Variants in ZFYVE16 observed in about 807,000 individuals in gnomAD.
ZFYVE16 encodes zinc finger FYVE domain-containing protein 16.
Under a neutral mutation model 138.1 loss-of-function variants are expected in ZFYVE16, and 89 were observed. That is an observed-to-expected ratio of 0.64 (90% CI 0.54 to 0.77). ZFYVE16 has a LOEUF of 0.77. ZFYVE16 is among the 30% of genes least tolerant of loss of function. ZFYVE16 has a pLI of 0.00. For synonymous variants in ZFYVE16, 596 were observed against 618.3 expected (o/e 0.96, Z 0.53); for missense variants, 1,793 against 1,786.7 (o/e 1.00, Z -0.06).
Position 80,421,508 on chromosome 5 carries a change from T to C in ZFYVE16, c.-93-5984T>C, listed in dbSNP as rs532827037. On this transcript the variant is annotated intron_variant, in intron 1 of 18. Coordinates refer to ENST00000505560, the MANE Select transcript of ZFYVE16 (RefSeq NM_001284236.3). ...GAAGGGATCCAGTTTCAGCTTTCTT[T>C]TTATGGCTAGCCAGTTTTCCCAGCA... Among the ~76,000 whole-genome samples the C allele has an allele frequency of 3.4e-4, 52 of 152,246 alleles. No individual in the cohort carries two copies. The South Asian group carries it at 7.7e-3, about 22-fold the overall frequency.
chr5:80,458,032 TA>T (rs749338847), intron 14 of ZFYVE16, among the ~76,000 whole-genome samples: 1,111 of 73,640 alleles, frequency 0.015, 16 homozygotes, highest in African/African-American at 0.047. Context: ...AGACTACGTC[TA>T]AAAAAAAAAA....
Position 80,480,423 on chromosome 5 carries a change from A to T in ZFYVE16, c.*3046A>T, listed in dbSNP as rs1362043239. Among the ~76,000 whole-genome samples, 6 of 63,790 alleles carry T rather than the reference A, an allele frequency of 9.4e-5. No homozygotes were observed. Among genetic ancestry groups the T allele is most frequent in the African/African-American group, 1.8e-4 (6 of 33,246 alleles). The allele number at this position is 63,790 out of a possible 152,430, so 41.8% of individuals were successfully genotyped here. A position where few individuals can be genotyped will look rare whatever the true frequency, so the allele number is the denominator to read the frequency against. ...AACTATTCACAGTGCACCATGGGAG[A>T]AACAGCTGGAAAAAAAAACAGAAGA... On this transcript the variant is annotated 3_prime_UTR_variant, in exon 19 of 19. Transcript: ENST00000505560.
intron 15 of ZFYVE16, among the ~76,000 whole-genome samples, chr5:80,466,955 A>G (rs1390465460): frequency 1.3e-5 from 2 of 152,194 alleles, no homozygotes; most frequent in African/African-American, 4.8e-5. Context: ...AGCCTTGAAA[A>G]CCAGCAGGCT....
Position 80,438,362 on chromosome 5 carries a change from G to T in ZFYVE16, c.1677G>T (p.Ser559=). The stretch of plus-strand genomic sequence containing the variant: ...AAGAAAATGTAAATGACTCTAAATC[G>T]CAAATGAATCAGATAGATATGAAAG... ...SFEENVNDSK[S]QMNQIDMKGL... is the part of the protein sequence containing the mutation. Residue 559 remains serine (S), a synonymous_variant, in exon 4 of 19, where the codon TCG becomes TCT. Coordinates refer to ENST00000505560, the MANE Select transcript of ZFYVE16 (RefSeq NM_001284236.3). The T allele has an allele frequency of 6.2e-7, 1 of 1,613,386 alleles. No individual in the cohort carries two copies. The highest frequency in any genetic ancestry group is 8.5e-7 in the Non-Finnish European group (1 of 1,179,820).
chr5:80,451,349 T>G, intron 10 of ZFYVE16, 136 bp from the exon 11 acceptor site: 1 of 640,972 alleles, frequency 1.6e-6, no homozygotes, highest in South Asian at 2.4e-5. Flanking sequence ...CTATAGTGTC[T>G]TAACTTCAGA....
At chr5:80,420,706 T>C (rs1481718148) in intron 1 of ZFYVE16, among the ~76,000 whole-genome samples, 2 of 152,210 alleles carry the variant, frequency 1.3e-5, no homozygotes, top group Non-Finnish European at 2.9e-5. Flanking sequence ...TGATGGACAT[T>C]TGGGTTGGTT....
rs947093701 is a variant in ZFYVE16 at position 80,412,336 on chromosome 5, TA to T, written c.-94+4188del. On this transcript the variant is annotated intron_variant, in intron 1 of 18. Coordinates refer to ENST00000505560, the MANE Select transcript of ZFYVE16 (RefSeq NM_001284236.3). ...AAAAATATATAAATAGCCAAGTGAG[TA>T]AAAATACTACCTAAAATAAGTTATA... 1.1e-4 allele frequency among the ~76,000 whole-genome samples: 16 copies of T among 152,236 alleles called. 1 individual carries two copies. Among genetic ancestry groups the T allele is most frequent in the African/African-American group, 3.6e-4 (15 of 41,546 alleles).
intron 1 of ZFYVE16, among the ~76,000 whole-genome samples, chr5:80,408,583 A>G (rs1183710680): frequency 6.6e-6 from 1 of 152,230 alleles, no homozygotes; most frequent in Non-Finnish European, 1.5e-5. Flanking sequence ...GTCCCCGCAG[A>G]GGAGTCTCAT....
intron 12 of ZFYVE16, 190 bp downstream of exon 12, chr5:80,455,964 C>G (rs745863673): frequency 9.1e-5 from 49 of 536,724 alleles, no homozygotes; most frequent in Non-Finnish European, 1.3e-4. Flanking sequence ...TTAGAACGTA[C>G]TATCTCCTCA....
chr5:80,417,332 G>A (rs968291662), intron 1 of ZFYVE16, among the ~76,000 whole-genome samples: 11 of 151,962 alleles, frequency 7.2e-5, no homozygotes, highest in African/African-American at 2.2e-4. Context: ...ACTTTTTGTC[G>A]CAGTCTGCAT....
Position 80,445,373 on chromosome 5 carries a change from G to C in ZFYVE16, c.2692G>C (p.Asp898His). 1 of 1,613,802 alleles carries C rather than the reference G, an allele frequency of 6.2e-7. No individual in the cohort carries two copies. The highest frequency in any genetic ancestry group is 1.3e-5 in the African/African-American group (1 of 74,984). ...ATCTGGAAGTAAAAGATGTTCTGAA[G>C]ACTTTAGTCCTCTCTCACCTGATGT... ...LSSGSKRCSE[D>H]FSPLSPDVPM... is the part of the protein sequence containing the mutation. The change falls in exon 7 of 19, where the codon GAC (aspartate) becomes CAC (histidine). Residue 898 changes from aspartate (D) to histidine (H), a missense_variant. By Grantham distance (81) the Asp-to-His change is moderately conservative. Around this residue, in one of 2 missense-constraint regions of ZFYVE16, gnomAD observed 1,295 missense variants for 1,204.3 expected, o/e 1.08. Transcript: ENST00000505560.
At chr5:80,475,169 G>A (rs958530497) in intron 18 of ZFYVE16, among the ~76,000 whole-genome samples, 5 of 152,196 alleles carry the variant, frequency 3.3e-5, no homozygotes, top group African/African-American at 1.2e-4. Context: ...ACCCAGTGGG[G>A]CCAAGTTTGG....
intron 18 of ZFYVE16, 109 bp downstream of exon 18, chr5:80,474,939 T>G: frequency 1.7e-6 from 2 of 1,181,596 alleles, no homozygotes; most frequent in Non-Finnish European, 2.3e-6. Context: ...TTGTTGAGCA[T>G]CAAATGTGTG....
chr5:80,479,321 TATG>T lies in ZFYVE16; in HGVS notation c.*1946_*1948del, dbSNP rs562632452. On this transcript the variant is annotated 3_prime_UTR_variant, in exon 19 of 19. Coordinates refer to ENST00000505560, the MANE Select transcript of ZFYVE16 (RefSeq NM_001284236.3). ...TACTCTCTTTCTCTGAATTTTGAAA[TATG>T]AAGTAAAATCTAGCCCATTTGTTTT... The T allele has an allele frequency of 3.5e-4, 53 of 152,344 alleles. No individual in the cohort carries two copies. Among genetic ancestry groups the T allele is most frequent in the Admixed American group, 2.9e-3 (44 of 15,304 alleles). 9.4% of individuals were successfully genotyped at this position (152,344 alleles called of 1,614,324 possible). A position where few individuals can be genotyped will look rare whatever the true frequency, so the allele number is the denominator to read the frequency against.
At chr5:80,453,585 T>C (rs150059170) in intron 11 of ZFYVE16, among the ~76,000 whole-genome samples, 16 of 152,314 alleles carry the variant, frequency 1.1e-4, no homozygotes, top group African/African-American at 3.1e-4. Flanking sequence ...GGGGAAATTG[T>C]CAGTTATACA....
At chr5:80,428,416 T>C (rs1241589307) in intron 2 of ZFYVE16, among the ~76,000 whole-genome samples, 2 of 152,056 alleles carry the variant, frequency 1.3e-5, no homozygotes, top group Admixed American at 6.5e-5. Context: ...GAAGGAAAAC[T>C]AACAAACAGA....
intron 4 of ZFYVE16, 58 bp downstream of exon 4, chr5:80,439,065 A>G: frequency 6.8e-7 from 1 of 1,477,904 alleles, no homozygotes; most frequent in South Asian, 1.3e-5. Flanking sequence ...AAACAAATAC[A>G]ATGTGATAGA....
intron 1 of ZFYVE16, among the ~76,000 whole-genome samples, chr5:80,414,810 A>G (rs1233432284): frequency 2.0e-5 from 3 of 152,224 alleles, no homozygotes; most frequent in Non-Finnish European, 4.4e-5. Flanking sequence ...AAGAGAAAAA[A>G]GAGCAGGCTG....
Position 80,478,258 on chromosome 5 carries a change from T to C in ZFYVE16, c.*881T>C, listed in dbSNP as rs1755087501. 1 of 152,076 alleles carries C rather than the reference T, an allele frequency of 6.6e-6. No homozygotes were observed. The highest frequency in any genetic ancestry group is 2.4e-5 in the African/African-American group (1 of 41,434). The allele number at this position is 152,076 out of a possible 1,614,324, so 9.4% of individuals were successfully genotyped here. Reference sequence around the variant, plus strand: ...GCCAGATGACCCTTGAAGTAGTCATTATGTAGCAATAAATGAAGCCTGAAA... The same window carrying C: ...GCCAGATGACCCTTGAAGTAGTCATCATGTAGCAATAAATGAAGCCTGAAA... On this transcript the variant is annotated 3_prime_UTR_variant, in exon 19 of 19. Coordinates refer to ENST00000505560, the MANE Select transcript of ZFYVE16 (RefSeq NM_001284236.3).
Sources: gnomAD v4.1 joint callset for allele counts (sites outside exome capture counted in the v4.1 genomes callset) on GRCh38, gnomAD v4.1.1 for gene constraint, gnomAD v4.1.1 regional missense constraint, MANE v1.5 for transcripts, NCBI Gene and HGNC (gene_info 2026-07-23, HGNC 2026-07-21) for gene names.